The following ADAMTS18 variants were observed in gnomAD, a reference collection of about 807,000 sequenced individuals.
ADAMTS18 encodes ADAM metallopeptidase with thrombospondin type 1 motif 18.
In ADAMTS18, 157 loss-of-function variants were observed where a neutral mutation model predicts 165.9. That is an observed-to-expected ratio of 0.95 (90% confidence interval 0.83 to 1.08). ADAMTS18 has a LOEUF of 1.08. Among genes scored for constraint, ADAMTS18 ranks in the 50% least tolerant of loss-of-function variants. The pLI is 0.00. For missense variants in ADAMTS18, 2,040 were observed against 1,534.0 expected, an observed-to-expected ratio of 1.33 and a Z score of -5.51; for synonymous variants, 782 against 578.2, an observed-to-expected ratio of 1.35 and a Z score of -5.06.
At chr16:77,373,582 A>C (rs193196369) in intron 3 of ADAMTS18, among the ~76,000 whole-genome samples, 4 of 152,140 alleles carry the variant, frequency 2.6e-5, no homozygotes, top group Non-Finnish European at 5.9e-5. Context: ...AGTGGAGATG[A>C]GGGATAAAAG....
intron 3 of ADAMTS18, among the ~76,000 whole-genome samples, chr16:77,389,833 C>T (rs2057161717): frequency 6.6e-6 from 1 of 152,100 alleles, no homozygotes; most frequent in Non-Finnish European, 1.5e-5. Context: ...AGCATAGAAT[C>T]GATCTGTGCA....
intron 12 of ADAMTS18, among the ~76,000 whole-genome samples, chr16:77,334,593 GTA>G (rs1210979749): frequency 4.1e-4 from 44 of 107,884 alleles, no homozygotes; most frequent in African/African-American, 1.5e-3. Flanking sequence ...ATAGTATATA[GTA>G]TATATATACT....
intron 3 of ADAMTS18, among the ~76,000 whole-genome samples, chr16:77,378,310 G>T (rs1424874668): frequency 6.7e-6 from 1 of 148,816 alleles, no homozygotes; most frequent in Non-Finnish European, 1.5e-5. Flanking sequence ...GTGACAGAGT[G>T]AGGCCTTGTC....
intron 12 of ADAMTS18, among the ~76,000 whole-genome samples, chr16:77,326,429 C>T (rs1232781958): frequency 6.6e-6 from 1 of 152,220 alleles, no homozygotes; most frequent in Non-Finnish European, 1.5e-5. Context: ...GTTGCCCAGT[C>T]TGGAATGCAG....
At chr16:77,288,694 C>G (rs1359420703) in intron 22 of ADAMTS18, among the ~76,000 whole-genome samples, 2 of 152,128 alleles carry the variant, frequency 1.3e-5, no homozygotes, top group African/African-American at 4.8e-5. Context: ...GTTGTCTCCT[C>G]CATTAAAATA....
intron 10 of ADAMTS18, among the ~76,000 whole-genome samples, chr16:77,353,311 T>G (rs1361942936): frequency 6.6e-6 from 1 of 152,110 alleles, no homozygotes; most frequent in Non-Finnish European, 1.5e-5. Flanking sequence ...TAGACAATAT[T>G]AAAAAAGCTA....
Position 77,387,633 on chromosome 16 carries a change from A to G in ADAMTS18, c.496-19910T>C, listed in dbSNP as rs554955506. Among the ~76,000 whole-genome samples the G allele has an allele frequency of 1.1e-3, 170 of 152,332 alleles. 1 individual carries two copies. The highest frequency in any genetic ancestry group is 3.8e-3 in the African/African-American group (156 of 41,586). On this transcript the variant is annotated intron_variant, in intron 3 of 22. Coordinates refer to ENST00000282849, the MANE Select transcript of ADAMTS18 (RefSeq NM_199355.4). Reference sequence around the variant, plus strand: ...TCTTTCTTGTAATGAGGCGATTACAAGCTGCGTATCAGTGGCTTGTCATGA... The same window carrying G: ...TCTTTCTTGTAATGAGGCGATTACAGGCTGCGTATCAGTGGCTTGTCATGA...
rs2055194678 is a variant in ADAMTS18, at chr16:77,283,811, T to C, written c.*145A>G. On this transcript the variant is annotated 3_prime_UTR_variant, in exon 23 of 23. Transcript: ENST00000282849. Reference sequence around the variant, plus strand: ...GAGCTAGAAGCCTACTGGCAACCTGTCTGTTCCTCAGAGCAGGCTCCTTCA... The same window carrying C: ...GAGCTAGAAGCCTACTGGCAACCTGCCTGTTCCTCAGAGCAGGCTCCTTCA... 6 of 668,140 alleles carry C rather than the reference T, an allele frequency of 9.0e-6. No individual in the cohort carries two copies. In the South Asian group the frequency reaches 9.9e-5, roughly 11 times the overall value. The allele number at this position is 668,140 out of a possible 1,614,324, so 41.4% of individuals were successfully genotyped here. A position where few individuals can be genotyped will look rare whatever the true frequency, so the allele number is the denominator to read the frequency against.
At chr16:77,292,836 T>C (rs970707180) in intron 20 of ADAMTS18, among the ~76,000 whole-genome samples, 2 of 152,084 alleles carry the variant, frequency 1.3e-5, no homozygotes, top group Admixed American at 6.6e-5. Context: ...ACTTTTTTTT[T>C]TGAGACAGAG....
chr16:77,341,277 G>A (rs1331908859), intron 11 of ADAMTS18, among the ~76,000 whole-genome samples: 1 of 152,106 alleles, frequency 6.6e-6, no homozygotes, highest in Non-Finnish European at 1.5e-5. Flanking sequence ...AATCTATAGG[G>A]CATGTCAAAA....
At chr16:77,288,528 T>C (rs140994246) in intron 22 of ADAMTS18, among the ~76,000 whole-genome samples, 50 of 152,314 alleles carry the variant, frequency 3.3e-4, no homozygotes, top group Non-Finnish European at 5.6e-4. Flanking sequence ...ACTTTCCATT[T>C]TCCTATCAGT....
At chr16:77,334,183 TATAGTGTTATATATTACATATAATATAC>T in intron 12 of ADAMTS18, among the ~76,000 whole-genome samples, 1 of 78,908 alleles carries the variant, frequency 1.3e-5, no homozygotes, top group South Asian at 4.0e-4. Context: ...ATATATAATA[TATAGTGTTATATATTACATATAATATAC>T]AGTGTTATAT....
chr16:77,419,570 G>C (rs1053837282), intron 3 of ADAMTS18, among the ~76,000 whole-genome samples: 8 of 152,140 alleles, frequency 5.3e-5, no homozygotes, highest in Non-Finnish European at 7.4e-5. Context: ...AATTAGGTCA[G>C]ACCTACCTGG....
intron 12 of ADAMTS18, 72 bp from the exon 13 acceptor site, chr16:77,326,110 A>T (rs1458992860): frequency 6.8e-7 from 1 of 1,461,924 alleles, no homozygotes; most frequent in African/African-American, 1.4e-5. Context: ...CAATAATATG[A>T]AGAGAGGCAA....
At chr16:77,300,139 TG>T (rs1260378673) in intron 17 of ADAMTS18, 123 bp downstream of exon 17, 1 of 1,156,558 alleles carries the variant, frequency 8.6e-7, no homozygotes, top group Non-Finnish European at 1.3e-6. Context: ...TTTATGGTGA[TG>T]GTTCTCATAA....
At chr16:77,379,019 C>G (rs1185720930) in intron 3 of ADAMTS18, 1 of 151,172 alleles carries the variant, frequency 6.6e-6, no homozygotes, top group African/African-American at 2.4e-5. Flanking sequence ...ACAGAAGTAA[C>G]TGAAGATATT....
intron 3 of ADAMTS18, among the ~76,000 whole-genome samples, chr16:77,421,335 T>A (rs1046940392): frequency 6.6e-6 from 1 of 152,224 alleles, no homozygotes; most frequent in Non-Finnish European, 1.5e-5. Context: ...GGAACGGGCT[T>A]TCATGGGAAA....
At position 77,291,380 on chromosome 16, in the gene ADAMTS18, G is replaced by A. The variant is rs1473566987; in HGVS notation, c.3288C>T (p.Cys1096=). 6.2e-7 allele frequency: 1 copy of A among 1,614,016 alleles called. No homozygotes were observed. Among genetic ancestry groups the A allele is most frequent in the Non-Finnish European group, 8.5e-7 (1 of 1,179,998 alleles). Reference sequence around the variant, plus strand: ...CCAGATTTGGTTTCTTAATATTACGGCATCTTCGCTCTGGGAAAGTTATCA... The same window carrying A: ...CCAGATTTGGTTTCTTAATATTACGACATCTTCGCTCTGGGAAAGTTATCA... The part of the protein sequence containing the change: ...GKLITFPERR[C]RNIKKPNLDL... Residue 1096 remains cysteine, a synonymous_variant, in exon 21 of 23, where the codon TGC becomes TGT. Coordinates refer to ENST00000282849, the MANE Select transcript of ADAMTS18 (RefSeq NM_199355.4).
chr16:77,310,969 CCAGA>C (rs1216365607), intron 16 of ADAMTS18, among the ~76,000 whole-genome samples: 1 of 152,002 alleles, frequency 6.6e-6, no homozygotes, highest in African/African-American at 2.4e-5. Flanking sequence ...GTTTTTTAAA[CCAGA>C]CAATGAGAGG....
Sources: gnomAD v4.1 joint callset for allele counts (sites outside exome capture counted in the v4.1 genomes callset) on GRCh38, gnomAD v4.1.1 for gene constraint, MANE v1.5 for transcripts, NCBI Gene and HGNC (gene_info 2026-07-23, HGNC 2026-07-21) for gene names.